The following KIAA0586 variants were observed in gnomAD, a reference collection of about 807,000 sequenced individuals.
The protein encoded by KIAA0586 is KIAA0586.
In KIAA0586, 144 loss-of-function variants were observed where a neutral mutation model predicts 169.8. That is an observed-to-expected ratio of 0.85 (90% confidence interval 0.74 to 0.97). The LOEUF (loss-of-function observed/expected upper bound fraction) is 0.97. Among genes scored for constraint, KIAA0586 ranks in the 50% least tolerant of loss-of-function variants. The pLI is 0.00. For missense variants in KIAA0586, 1,854 were observed against 1,823.0 expected, an observed-to-expected ratio of 1.02 and a Z score of -0.31; for synonymous variants, 625 against 612.4, an observed-to-expected ratio of 1.02 and a Z score of -0.30.
Position 58,444,154 on chromosome 14 carries a change from A to C in KIAA0586, c.786A>C (p.Gln262His), listed in dbSNP as rs1487078229. Reference protein sequence around the residue: ...EQHIRHLEKLQQQQIDIQTHF... With the variant: ...EQHIRHLEKLHQQQIDIQTHF... ...ACATAAGGCATCTTGAAAAGTTACA[A>C]CAACAACAAATAGATATTCAGGTAT... The change falls in exon 6 of 31, where the codon CAA becomes CAC. Residue 262 changes from glutamine to histidine, a missense_variant. Gln to His is a conservative substitution (Grantham distance 24). Coordinates refer to ENST00000652326, the MANE Select transcript of KIAA0586 (RefSeq NM_001329943.3). 1.9e-6 allele frequency: 3 copies of C among 1,609,966 alleles called. No homozygotes were observed. The highest frequency in any genetic ancestry group is 2.7e-5 in the African/African-American group (2 of 74,862).
intron 30 of KIAA0586, among the ~76,000 whole-genome samples, chr14:58,544,508 C>T (rs1384836694): frequency 6.6e-6 from 1 of 152,140 alleles, no homozygotes; most frequent in Non-Finnish European, 1.5e-5. Context: ...GTTCCCTTTT[C>T]TCTGCAACCT....
intron 29 of KIAA0586, among the ~76,000 whole-genome samples, chr14:58,534,854 T>TAA (rs2046187882): frequency 1.3e-5 from 2 of 152,232 alleles, no homozygotes; most frequent in Non-Finnish European, 2.9e-5. Context: ...TTCTTCCATT[T>TAA]TAACTTTTTT....
the KIAA0586 span, among the ~76,000 whole-genome samples, chr14:58,557,562 G>C: frequency 6.6e-6 from 1 of 152,192 alleles, no homozygotes; most frequent in Non-Finnish European, 1.5e-5. Context: ...GTACATTGTA[G>C]CCACCAGACC....
rs772707646 is a variant in KIAA0586, at chr14:58,544,318, C to T, written c.4496-3463C>T. On this transcript the variant is annotated intron_variant, in intron 30 of 30. Coordinates refer to ENST00000652326, the MANE Select transcript of KIAA0586 (RefSeq NM_001329943.3). ...ATACCCTTCCTGTTGTGAATTGTGC[C>T]GCAGTGAACATTTGCATATATGTGT... Among the ~76,000 whole-genome samples the T allele has an allele frequency of 3.2e-4, 48 of 152,168 alleles. 1 individual carries two copies. Among genetic ancestry groups the T allele is most frequent in the Admixed American group, 7.2e-4 (11 of 15,292 alleles).
rs559639074 is a variant in KIAA0586 at position 58,499,598 on chromosome 14, G to A, written c.4168+638G>A. On this transcript the variant is annotated intron_variant, in intron 27 of 30. Coordinates refer to ENST00000652326, the MANE Select transcript of KIAA0586 (RefSeq NM_001329943.3). ...TTTGGAGACGGAGTCTTGCTTTGTC[G>A]CCCAGGGTGGAATGCAATGGCACAA... Among the ~76,000 whole-genome samples the A allele has an allele frequency of 1.9e-4, 28 of 148,932 alleles. 1 individual carries two copies. In the South Asian group the frequency reaches 3.3e-3, roughly 17 times the overall value.
chr14:58,453,760 G>A (rs1381825597), intron 9 of KIAA0586, among the ~76,000 whole-genome samples: 1 of 152,000 alleles, frequency 6.6e-6, no homozygotes, highest in Admixed American at 6.6e-5. Context: ...GATAGGTTAG[G>A]GGCAAGTAAG....
chr14:58,541,990 A>T (rs1463314052), intron 30 of KIAA0586, among the ~76,000 whole-genome samples: 2 of 152,188 alleles, frequency 1.3e-5, no homozygotes, highest in Non-Finnish European at 2.9e-5. Flanking sequence ...GAGGTAGAAG[A>T]TTTATATTTG....
chr14:58,492,344 C>G, intron 26 of KIAA0586, 69 bp downstream of exon 26: 4 of 1,387,672 alleles, frequency 2.9e-6, no homozygotes, highest in Non-Finnish European at 3.9e-6. Context: ...AATATTCTTA[C>G]TACTAGTTAA....
chr14:58,478,344 A>G (rs2041803000), intron 20 of KIAA0586, among the ~76,000 whole-genome samples: 2 of 152,202 alleles, frequency 1.3e-5, no homozygotes, highest in Non-Finnish European at 2.9e-5. Context: ...TTAGCTGGGT[A>G]TGGTGACACA....
At chr14:58,473,131 T>C (rs553236426) in intron 18 of KIAA0586, among the ~76,000 whole-genome samples, 3 of 151,738 alleles carry the variant, frequency 2.0e-5, no homozygotes, top group Admixed American at 6.6e-5. Flanking sequence ...AGCTCTGCCA[T>C]TTATAAGCTG....
intron 26 of KIAA0586, among the ~76,000 whole-genome samples, chr14:58,495,124 G>A (rs918280300): frequency 1.3e-5 from 2 of 152,130 alleles, no homozygotes; most frequent in African/African-American, 4.8e-5. Context: ...TTACTCCAGT[G>A]TTGATTTTGA....
At chr14:58,429,476 A>G in intron 2 of KIAA0586, 43 bp downstream of exon 2, 2 of 1,090,594 alleles carry the variant, frequency 1.8e-6, no homozygotes, top group Non-Finnish European at 2.8e-6. Flanking sequence ...TAAAATTTTC[A>G]GTATTGTCAA....
intron 30 of KIAA0586, among the ~76,000 whole-genome samples, 165 bp from the exon 31 acceptor site, chr14:58,547,616 T>G (rs1015905921): frequency 4.6e-5 from 7 of 152,190 alleles, no homozygotes; most frequent in Admixed American, 4.6e-4. Flanking sequence ...GTATTTTACC[T>G]CTCTGACAAG....
chr14:58,516,929 A>G (rs2044804722), intron 29 of KIAA0586, among the ~76,000 whole-genome samples: 1 of 152,188 alleles, frequency 6.6e-6, no homozygotes, highest in African/African-American at 2.4e-5. Context: ...GTTTGGACAG[A>G]GCTCATCTAT....
At chr14:58,525,431 G>A (rs561807497) in intron 29 of KIAA0586, among the ~76,000 whole-genome samples, 41 of 152,020 alleles carry the variant, frequency 2.7e-4, no homozygotes, top group Non-Finnish European at 4.7e-4. Context: ...AGGGTGGGGC[G>A]TTGCCTCACC....
intron 27 of KIAA0586, 84 bp from the exon 28 acceptor site, chr14:58,508,471 G>A: frequency 1.9e-6 from 2 of 1,030,426 alleles, no homozygotes; most frequent in South Asian, 1.6e-5. Context: ...GAGAAATATT[G>A]GTGGTTTTAG....
intron 14 of KIAA0586, among the ~76,000 whole-genome samples, chr14:58,462,734 C>G (rs967376419): frequency 6.6e-6 from 1 of 152,188 alleles, no homozygotes; most frequent in Admixed American, 6.5e-5. Context: ...CTACCTGAGA[C>G]TGAGTAATCT....
At chr14:58,489,114 T>C (rs1205019063) in intron 24 of KIAA0586, among the ~76,000 whole-genome samples, 1 of 152,138 alleles carries the variant, frequency 6.6e-6, no homozygotes, top group Non-Finnish European at 1.5e-5. Context: ...GGTAGGCCTT[T>C]CCAGTCTTTT....
Position 58,488,840 on chromosome 14 carries a change from T to G in KIAA0586, c.3747T>G (p.Ile1249Met). Residue 1249 changes from isoleucine (I) to methionine (M), a missense_variant, in exon 24 of 31, where the codon ATT becomes ATG. Transcript: ENST00000652326. ...ATAAACCCATCTCTGAAGGAGAGAT[T>G]TTATTTAGCTGTGGTCAAAAATTGG... ...TLDKPISEGE[I>M]LFSCGQKLAP... 6.2e-7 allele frequency: 1 copy of G among 1,613,874 alleles called. No individual in the cohort carries two copies. Among genetic ancestry groups the G allele is most frequent in the Non-Finnish European group, 8.5e-7 (1 of 1,179,824 alleles).
Sources: gnomAD v4.1 joint callset for allele counts (sites outside exome capture counted in the v4.1 genomes callset) on GRCh38, gnomAD v4.1.1 for gene constraint, MANE v1.5 for transcripts, NCBI Gene and HGNC (gene_info 2026-07-23, HGNC 2026-07-21) for gene names.